LOXL1: variants seen among roughly 807,000 people sequenced by gnomAD.
LOXL1 encodes lysyl oxidase homolog 1.
A neutral mutation model predicts 62.2 loss-of-function variants in LOXL1; 31 were observed. That is an observed-to-expected ratio of 0.50 (90% CI 0.37 to 0.67). The LOEUF is 0.67. Among genes scored for constraint, LOXL1 ranks in the 30% least tolerant of loss-of-function variants. LOXL1 has a pLI of 0.00. For synonymous variants in LOXL1, 403 were observed against 384.4 expected (o/e 1.05, Z -0.56); for missense variants, 775 against 843.4 (o/e 0.92, Z 1.00).
intron 1 of LOXL1, among the ~76,000 whole-genome samples, chr15:73,938,319 G>GTCTATCTATCTATC (rs1555433316): frequency 0.015 from 1,402 of 90,976 alleles, 18 homozygotes; most frequent in African/African-American, 0.038. Flanking sequence ...ATCTATCTAG[G>GTCTATCTATCTATC]TAGATAGATA....
intron 1 of LOXL1, among the ~76,000 whole-genome samples, chr15:73,929,519 A>C (rs1013916503): frequency 1.3e-5 from 2 of 152,080 alleles, no homozygotes; most frequent in South Asian, 2.1e-4. Context: ...GGGAACACTC[A>C]CTCTATCACA....
chr15:73,951,788 T>C (rs1305706733), intron 6 of LOXL1, 43 bp from the exon 7 acceptor site: 5 of 1,509,648 alleles, frequency 3.3e-6, no homozygotes, highest in Middle Eastern at 1.8e-4. Context: ...CACGGGGGCC[T>C]ACTTTGCAGC....
chr15:73,926,879 G>A lies in LOXL1; in HGVS notation c.96G>A (p.Gln32=). The change falls in exon 1 of 7, where the codon CAG becomes CAA. Residue 32 remains glutamine (Q), a synonymous_variant. Transcript: ENST00000261921. ...LVHGQQAQPG[Q]GSDPARWRQL... is the part of the protein sequence containing the mutation. ...ACGGGCAGCAGGCGCAGCCCGGGCA[G>A]GGCTCGGACCCCGCCCGCTGGCGGC... is the stretch of plus-strand genomic sequence containing the variant. The A allele has an allele frequency of 6.4e-7, 1 of 1,558,522 alleles. No homozygotes were observed. Among genetic ancestry groups the A allele is most frequent in the Admixed American group, 1.9e-5 (1 of 51,448 alleles).
intron 1 of LOXL1, among the ~76,000 whole-genome samples, chr15:73,936,732 C>T (rs952017425): frequency 1.3e-4 from 20 of 152,220 alleles, no homozygotes; most frequent in Non-Finnish European, 1.5e-4. Context: ...AAGGCAGCCA[C>T]AGGGCTCTCA....
At chr15:73,947,308 T>G in intron 4 of LOXL1, 85 bp downstream of exon 4, 1 of 1,457,788 alleles carries the variant, frequency 6.9e-7, no homozygotes, top group Non-Finnish European at 9.3e-7. Flanking sequence ...GCCCGGCAAG[T>G]GCCAAGGCTT....
chr15:73,951,849 G>T lies in LOXL1; in HGVS notation c.*12G>T. On this transcript the variant is annotated 3_prime_UTR_variant, in exon 7 of 7. Coordinates refer to ENST00000261921, the MANE Select transcript of LOXL1 (RefSeq NM_005576.4). ...TCCTCAGATCCTGATCTCCGGGAGG[G>T]ACAGATGGCCAATCTCTCCCCTTCC... 6.5e-7 allele frequency: 1 copy of T among 1,542,990 alleles called. No individual in the cohort carries two copies. Among genetic ancestry groups the T allele is most frequent in the South Asian group, 1.2e-5 (1 of 83,154 alleles).
chr15:73,940,755 G>A (rs2068708413), intron 1 of LOXL1, among the ~76,000 whole-genome samples: 5 of 152,232 alleles, frequency 3.3e-5, no homozygotes, highest in Admixed American at 3.3e-4. Context: ...ACTGTGATCA[G>A]GCACAGGGCT....
Position 73,926,686 on chromosome 15 carries a change from G to C in LOXL1, c.-98G>C, listed in dbSNP as rs533257322. On this transcript the variant is annotated 5_prime_UTR_variant, in exon 1 of 7. Transcript: ENST00000261921. ...ACAAAGCTAGAGCTGGGGCAAGCAA[G>C]GAGCCTTCCTGTCCTCGAGGCCGTG... 1.5e-6 allele frequency: 2 copies of C among 1,293,980 alleles called. No homozygotes were observed. The highest frequency in any genetic ancestry group is 2.0e-6 in the Non-Finnish European group (2 of 1,000,468). The allele number at this position is 1,293,980 out of a possible 1,614,324, so 80.2% of individuals were successfully genotyped here.
At chr15:73,928,779 T>G (rs1010001066) in intron 1 of LOXL1, among the ~76,000 whole-genome samples, 1 of 151,988 alleles carries the variant, frequency 6.6e-6, no homozygotes, top group East Asian at 1.9e-4. Context: ...TAGTTTTGCA[T>G]TAATTTTTAT....
At chr15:73,935,483 T>C (rs1331345796) in intron 1 of LOXL1, among the ~76,000 whole-genome samples, 3 of 151,976 alleles carry the variant, frequency 2.0e-5, no homozygotes, top group African/African-American at 4.8e-5. Context: ...TTCAGGTCAC[T>C]GTGCAGGGCC....
chr15:73,947,854 C>T lies in LOXL1; in HGVS notation c.1554C>T (p.Cys518=). The change falls in exon 5 of 7, where the codon TGC becomes TGT. Residue 518 remains cysteine, a synonymous_variant. Coordinates refer to ENST00000261921, the MANE Select transcript of LOXL1 (RefSeq NM_005576.4). ...ACACCTACAATGCGGACATCGACTG[C>T]CAGTGGATCGACATAACCGACGTGC... ...CYDTYNADID[C]QWIDITDVQP... is the part of the protein sequence containing the mutation. 1 of 1,613,910 alleles carries T rather than the reference C, an allele frequency of 6.2e-7. No individual in the cohort carries two copies. Among genetic ancestry groups the T allele is most frequent in the Non-Finnish European group, 8.5e-7 (1 of 1,179,832 alleles).
chr15:73,933,841 G>A (rs2068652106), intron 1 of LOXL1, among the ~76,000 whole-genome samples: 1 of 152,270 alleles, frequency 6.6e-6, no homozygotes, highest in African/African-American at 2.4e-5. Flanking sequence ...TGGGATGCTG[G>A]AAAGAGAGGT....
At chr15:73,937,114 G>A (rs2068678832) in intron 1 of LOXL1, among the ~76,000 whole-genome samples, 2 of 152,184 alleles carry the variant, frequency 1.3e-5, no homozygotes, top group Admixed American at 1.3e-4. Context: ...ACCAGGGAAG[G>A]GGCAGATGGT....
In LOXL1 at chr15:73,927,426, G is replaced by A; in HGVS notation, c.643G>A (p.Gly215Arg). ...YRPAGGGVGAGAAAVASAGVI... is the reference protein window; with the variant it reads ...YRPAGGGVGARAAAVASAGVI... ...GCCCGCGGGCGGCGGCGTGGGCGCG[G>A]GGGCGGCGGCCGTGGCCTCGGCGGG... Residue 215 changes from glycine to arginine, a missense_variant, in exon 1 of 7, where the codon GGG (glycine) becomes AGG (arginine). Gly to Arg is a moderately radical substitution (Grantham distance 125). Transcript: ENST00000261921. The A allele has an allele frequency of 6.7e-7, 1 of 1,495,280 alleles. No individual in the cohort carries two copies. The highest frequency in any genetic ancestry group is 1.4e-5 in the African/African-American group (1 of 69,284). 92.6% of individuals were successfully genotyped at this position (1,495,280 alleles called of 1,614,324 possible). A position where few individuals can be genotyped will look rare whatever the true frequency, so the allele number is the denominator to read the frequency against.
rs755667465 is a variant in LOXL1, at chr15:73,927,004, G to C, written c.221G>C (p.Arg74Pro). ...AGPQRSESSS[R>P]VLLAGAPQAQ... Reference sequence around the variant, plus strand: ...CCTCAGCGCTCCGAGAGTAGCTCCCGGGTGCTGCTGGCCGGCGCGCCCCAG... The same window carrying C: ...CCTCAGCGCTCCGAGAGTAGCTCCCCGGTGCTGCTGGCCGGCGCGCCCCAG... The change falls in exon 1 of 7, where the codon CGG becomes CCG. Residue 74 changes from arginine to proline, a missense_variant. Physicochemically the swap from Arg to Pro is moderately radical, Grantham distance 103. Coordinates refer to ENST00000261921, the MANE Select transcript of LOXL1 (RefSeq NM_005576.4). The C allele has an allele frequency of 2.5e-5, 37 of 1,459,148 alleles. No homozygotes were observed. The highest frequency in any genetic ancestry group is 3.3e-5 in the Non-Finnish European group (36 of 1,096,182). The allele number at this position is 1,459,148 out of a possible 1,614,324, so 90.4% of individuals were successfully genotyped here.
intron 2 of LOXL1, among the ~76,000 whole-genome samples, chr15:73,944,787 G>A (rs935472410): frequency 6.6e-6 from 1 of 152,230 alleles, no homozygotes; most frequent in African/African-American, 2.4e-5. Flanking sequence ...ACTGAACAGA[G>A]GGAAGGAGGA....
intron 1 of LOXL1, among the ~76,000 whole-genome samples, chr15:73,942,601 T>C (rs2068721827): frequency 6.6e-6 from 1 of 152,162 alleles, no homozygotes; most frequent in South Asian, 2.1e-4. Flanking sequence ...ATCTTGTTCA[T>C]GTCCAAGCTT....
chr15:73,947,389 G>GAGGGA, intron 4 of LOXL1, 166 bp downstream of exon 4: 2 of 653,066 alleles, frequency 3.1e-6, no homozygotes, highest in Non-Finnish European at 5.0e-6. Flanking sequence ...GCCCTGCAGG[G>GAGGGA]ACTGTTCCCT....
intron 1 of LOXL1, among the ~76,000 whole-genome samples, chr15:73,928,498 C>T (rs1416287610): frequency 1.3e-5 from 2 of 151,146 alleles, no homozygotes; most frequent in Non-Finnish European, 2.9e-5. Flanking sequence ...GCAAGAGAGA[C>T]CAGTCAGGCA....
Sources: allele counts gnomAD v4.1 joint callset (sites outside exome capture counted in the v4.1 genomes callset), GRCh38; gene constraint gnomAD v4.1.1; transcripts MANE v1.5; gene names NCBI Gene and HGNC (gene_info 2026-07-23, HGNC 2026-07-21).